The following ROR1 variants were observed in gnomAD, a reference collection of about 807,000 sequenced individuals.
ROR1 encodes inactive tyrosine-protein kinase transmembrane receptor ROR1.
Under a neutral mutation model 78.8 loss-of-function variants are expected in ROR1, and 19 were observed. That is an observed-to-expected ratio of 0.24 (90% CI 0.17 to 0.35). The LOEUF (loss-of-function observed/expected upper bound fraction) is 0.35, where lower values mean the gene tolerates loss of function less well. Among genes scored for constraint, ROR1 ranks in the 10% least tolerant of loss-of-function variants. The pLI, the probability that ROR1 is intolerant of heterozygous loss-of-function variation, is 1.00. For synonymous variants in ROR1, 386 were observed against 433.6 expected, an observed-to-expected ratio of 0.89 and a Z score of 1.36; for missense variants, 917 against 1,177.8, an observed-to-expected ratio of 0.78 and a Z score of 3.24.
intron 1 of ROR1, among the ~76,000 whole-genome samples, chr1:63,862,325 C>T (rs1371339964): frequency 7.4e-6 from 1 of 135,224 alleles, no homozygotes; most frequent in African/African-American, 3.0e-5. Context: ...ACCCAGGAGG[C>T]AGAGGTTGCA....
chr1:63,939,839 C>CACCACAGACAAGCCTGCT (rs1553145899), intron 1 of ROR1, among the ~76,000 whole-genome samples: 1 of 152,188 alleles, frequency 6.6e-6, no homozygotes, highest in Non-Finnish European at 1.5e-5. Context: ...CTAAACCTGT[C>CACCACAGACAAGCCTGCT]ACCACAGACA....
At chr1:63,800,427 G>T (rs1043721621) in intron 1 of ROR1, among the ~76,000 whole-genome samples, 1 of 152,122 alleles carries the variant, frequency 6.6e-6, no homozygotes, top group Non-Finnish European at 1.5e-5. Context: ...CACAGAGCAG[G>T]CCCTTAAAAG....
At chr1:64,086,120 G>A (rs969761469) in intron 4 of ROR1, among the ~76,000 whole-genome samples, 13 of 152,142 alleles carry the variant, frequency 8.5e-5, no homozygotes, top group Non-Finnish European at 1.5e-4. Context: ...CCTAACAACT[G>A]CATTTTTACT....
intron 1 of ROR1, among the ~76,000 whole-genome samples, chr1:63,807,611 A>C (rs1004190942): frequency 6.6e-6 from 1 of 152,146 alleles, no homozygotes; most frequent in African/African-American, 2.4e-5. Context: ...AGGTCTTTGC[A>C]ATATTTTGTT....
rs575238018 is a variant in ROR1, at chr1:64,043,949, T to C, written c.164-5742T>C. 1.2e-3 allele frequency among the ~76,000 whole-genome samples: 185 copies of C among 152,314 alleles called. 1 individual carries two copies. The highest frequency in any genetic ancestry group is 1.4e-3 in the Non-Finnish European group (95 of 68,024). ...TGTAAATGCTCAGAAAAATGTTAGC[T>C]ATGATCATCACTTTCCATTGTTAAT... On this transcript the variant is annotated intron_variant, in intron 2 of 8. Transcript: ENST00000371079.
chr1:64,002,703 A>G (rs922465864), intron 1 of ROR1, among the ~76,000 whole-genome samples: 1 of 152,198 alleles, frequency 6.6e-6, no homozygotes, highest in Non-Finnish European at 1.5e-5. Flanking sequence ...GCATCTCCAA[A>G]GAGGAAAAAA....
chr1:64,095,463 T>C (rs1569738219), intron 4 of ROR1, among the ~76,000 whole-genome samples: 1 of 152,106 alleles, frequency 6.6e-6, no homozygotes, highest in Admixed American at 6.6e-5. Flanking sequence ...GCAACATGGG[T>C]GAATGCCATG....
At chr1:64,143,531 G>T in intron 7 of ROR1, 1 of 478,182 alleles carries the variant, frequency 2.1e-6, no homozygotes, top group Non-Finnish European at 2.7e-6. Flanking sequence ...AAAGCTACAG[G>T]GTAGGAGGGT....
chr1:64,135,845 G>A (rs1649083846), intron 4 of ROR1, among the ~76,000 whole-genome samples: 1 of 152,144 alleles, frequency 6.6e-6, no homozygotes, highest in Admixed American at 6.5e-5. Flanking sequence ...GTACTAAACT[G>A]AAGATACTTC....
chr1:64,020,052 C>T (rs1229404289), intron 2 of ROR1, among the ~76,000 whole-genome samples: 1 of 152,096 alleles, frequency 6.6e-6, no homozygotes, highest in East Asian at 1.9e-4. Flanking sequence ...TCAAGAATGC[C>T]AGGGCCCTCA....
At chr1:64,171,170 AC>A (rs1319037146) in intron 8 of ROR1, 15 of 174,502 alleles carry the variant, frequency 8.6e-5, no homozygotes, top group Middle Eastern at 2.7e-3. Context: ...ATAAAGACAC[AC>A]CTGAGACTGG....
intron 3 of ROR1, among the ~76,000 whole-genome samples, chr1:64,050,272 A>T (rs1268910962): frequency 6.6e-6 from 1 of 152,160 alleles, no homozygotes; most frequent in Non-Finnish European, 1.5e-5. Flanking sequence ...TTCAACAAGG[A>T]TGCTTCTTGT....
At chr1:64,135,361 G>T (rs1053236181) in intron 4 of ROR1, among the ~76,000 whole-genome samples, 1 of 152,110 alleles carries the variant, frequency 6.6e-6, no homozygotes, top group South Asian at 2.1e-4. Flanking sequence ...TATATCTGGG[G>T]GTAATTCCAG....
In ROR1 at chr1:64,177,521, C is replaced by A; in HGVS notation, c.1480C>A (p.Leu494Ile). ...FGKIYKGHLY[L>I]PGMDHAQLVA... ...AAAAATCTATAAAGGCCATCTCTAT[C>A]TCCCAGGCATGGACCATGCTCAGCT... The change falls in exon 9 of 9, where the codon CTC becomes ATC. Residue 494 changes from leucine (L) to isoleucine (I), a missense_variant. Physicochemically the swap from Leu to Ile is conservative, Grantham distance 5. This residue lies in a region of ROR1 where 835 missense variants were observed against 1,069.8 expected (regional missense o/e 0.78). Transcript: ENST00000371079. 1 of 1,614,152 alleles carries A rather than the reference C, an allele frequency of 6.2e-7. No homozygotes were observed. The highest frequency in any genetic ancestry group is 8.5e-7 in the Non-Finnish European group (1 of 1,180,022).
chr1:64,054,938 A>G (rs1646862408), intron 4 of ROR1, among the ~76,000 whole-genome samples: 3 of 152,090 alleles, frequency 2.0e-5, no homozygotes, highest in African/African-American at 7.2e-5. Flanking sequence ...CATCTCCCCA[A>G]CCTCTGCCTT....
At chr1:63,936,255 G>A (rs538669718) in intron 1 of ROR1, among the ~76,000 whole-genome samples, 1 of 152,258 alleles carries the variant, frequency 6.6e-6, no homozygotes, top group Non-Finnish European at 1.5e-5. Context: ...ACATTATCAC[G>A]GAGCACTTGC....
chr1:63,940,498 C>CAGGTAGATAGATAGAT (rs1645829274), intron 1 of ROR1, among the ~76,000 whole-genome samples: 1 of 75,138 alleles, frequency 1.3e-5, no homozygotes, highest in Non-Finnish European at 3.7e-5. Context: ...GATAGACAGA[C>CAGGTAGATAGATAGAT]AGATAGATAG....
At chr1:64,015,663 G>T (rs996750341) in intron 2 of ROR1, among the ~76,000 whole-genome samples, 1 of 152,028 alleles carries the variant, frequency 6.6e-6, no homozygotes, top group Non-Finnish European at 1.5e-5. Flanking sequence ...GGTATTGTAA[G>T]GATAGACTGG....
intron 1 of ROR1, among the ~76,000 whole-genome samples, chr1:63,835,752 T>C (rs1207235108): frequency 6.6e-6 from 1 of 152,230 alleles, no homozygotes; most frequent in East Asian, 1.9e-4. Flanking sequence ...TATGATCTCA[T>C]TGTTAAAAGG....
Sources: allele counts gnomAD v4.1 joint callset (sites outside exome capture counted in the v4.1 genomes callset), GRCh38; gene constraint gnomAD v4.1.1; regional missense constraint gnomAD v4.1.1; transcripts MANE v1.5; gene names NCBI Gene and HGNC (gene_info 2026-07-23, HGNC 2026-07-21).